RYR2: variants seen among roughly 807,000 people sequenced by gnomAD.
The protein encoded by RYR2 is ryanodine receptor 2.
Under a neutral mutation model 601.1 loss-of-function variants are expected in RYR2, and 227 were observed. The ratio of observed to expected loss-of-function variants is 0.38; its 90% CI spans 0.34 to 0.42. The LOEUF is 0.42. RYR2 is among the 10% of genes least tolerant of loss of function. RYR2 has a pLI of 1.00. For synonymous variants in RYR2, 2,223 were observed against 2,175.1 expected, an observed-to-expected ratio of 1.02 and a Z score of -0.61; for missense variants, 4,646 against 6,156.5, an observed-to-expected ratio of 0.75 and a Z score of 8.21.
At chr1:237,504,403 C>G (rs898018774) in intron 22 of RYR2, among the ~76,000 whole-genome samples, 3 of 152,088 alleles carry the variant, frequency 2.0e-5, no homozygotes, top group African/African-American at 7.2e-5. Context: ...AAAGAACCTT[C>G]TTAAGGGTGG....
intron 35 of RYR2, among the ~76,000 whole-genome samples, chr1:237,602,342 AG>A (rs1676596187): frequency 6.6e-6 from 1 of 151,700 alleles, no homozygotes; most frequent in Non-Finnish European, 1.5e-5. Context: ...AAAGGCCTAT[AG>A]AAAAAAAAAT....
intron 80 of RYR2, among the ~76,000 whole-genome samples, chr1:237,750,658 G>A (rs1474259): frequency 0.66 from 97,719 of 148,960 alleles, 31,872 homozygotes; most frequent in East Asian, 0.93. Context: ...ACAAATTTCT[G>A]AAGTAAAATT....
chr1:237,337,998 T>C (rs1697414002), intron 3 of RYR2, among the ~76,000 whole-genome samples: 1 of 152,176 alleles, frequency 6.6e-6, no homozygotes, highest in Non-Finnish European at 1.5e-5. Context: ...GGGAAAAATC[T>C]GTTTCCTTGC....
At chr1:237,448,611 T>G (rs1308770571) in intron 14 of RYR2, among the ~76,000 whole-genome samples, 1 of 152,116 alleles carries the variant, frequency 6.6e-6, no homozygotes, top group Non-Finnish European at 1.5e-5. Flanking sequence ...TGTGGATATC[T>G]CTGTTTCTCC....
At chr1:237,316,030 CA>C (rs1480663338) in intron 2 of RYR2, among the ~76,000 whole-genome samples, 2 of 151,574 alleles carry the variant, frequency 1.3e-5, no homozygotes, top group African/African-American at 4.8e-5. Flanking sequence ...GAGATGGGGG[CA>C]GGGGGATCAG....
intron 38 of RYR2, among the ~76,000 whole-genome samples, chr1:237,621,200 T>C (rs1419176102): frequency 6.6e-6 from 1 of 152,216 alleles, no homozygotes; most frequent in Non-Finnish European, 1.5e-5. Flanking sequence ...AATTTAAAGA[T>C]TCATTAAACT....
intron 15 of RYR2, among the ~76,000 whole-genome samples, chr1:237,455,687 C>A (rs1419334640): frequency 1.3e-5 from 2 of 152,134 alleles, no homozygotes; most frequent in Non-Finnish European, 1.5e-5. Context: ...TCATCAGAAA[C>A]GCTTGAAACT....
Position 237,148,533 on chromosome 1 carries a change from T to TATATATATATATACACAC in RYR2, c.48+105977_48+105978insCACACATATATATATATA, listed in dbSNP as rs1558320030. ...CTTCAAGTAAAAAAAAAAAAATATA[T>TATATATATATATACACAC]ATATATATATATATATATATACACA... On this transcript the variant is annotated intron_variant, in intron 1 of 104. Coordinates refer to ENST00000366574, the MANE Select transcript of RYR2 (RefSeq NM_001035.3). Among the ~76,000 whole-genome samples, 421 of 116,704 alleles carry TATATATATATATACACAC rather than the reference T, an allele frequency of 3.6e-3. 2 individuals carry two copies. The highest frequency in any genetic ancestry group is 0.016 in the African/African-American group (397 of 24,986). 76.6% of individuals were successfully genotyped at this position (116,704 alleles called of 152,430 possible). A position where few individuals can be genotyped will look rare whatever the true frequency, so the allele number is the denominator to read the frequency against.
chr1:237,798,776 T>TCACACA (rs72164792), intron 97 of RYR2, among the ~76,000 whole-genome samples: 3 of 135,210 alleles, frequency 2.2e-5, no homozygotes, highest in Non-Finnish European at 4.9e-5. Context: ...AATTTAAATG[T>TCACACA]CACACACACA....
chr1:237,602,800 T>C (rs1347924344), intron 35 of RYR2, among the ~76,000 whole-genome samples: 1 of 152,114 alleles, frequency 6.6e-6, no homozygotes, highest in East Asian at 1.9e-4. Flanking sequence ...GGAAATCCAT[T>C]GGAAATTTGA....
intron 58 of RYR2, among the ~76,000 whole-genome samples, chr1:237,673,817 T>C (rs914483803): frequency 1.3e-5 from 2 of 152,204 alleles, no homozygotes; most frequent in Admixed American, 1.3e-4. Context: ...TGCTTCCCTC[T>C]CATTGGCGAG....
At chr1:237,576,256 G>A (rs10157579) in intron 29 of RYR2, among the ~76,000 whole-genome samples, 43,766 of 151,870 alleles carry the variant, frequency 0.29, 6,739 homozygotes, top group East Asian at 0.6. Flanking sequence ...GGAAGTCGAT[G>A]TGATGACTCT....
In RYR2 at chr1:237,492,935, A is replaced by G; in HGVS notation, c.1828-19A>G. 6.4e-7 allele frequency: 1 copy of G among 1,555,378 alleles called. No homozygotes were observed. Among genetic ancestry groups the G allele is most frequent in the Non-Finnish European group, 8.7e-7 (1 of 1,148,146 alleles). ...CAGGGAGGGAGGGAGGATCAGCTGA[A>G]AGTAATTTCTCTTTTCAGGTTCTGG... On this transcript the variant is annotated intron_variant, in intron 18 of 104. Coordinates refer to ENST00000366574, the MANE Select transcript of RYR2 (RefSeq NM_001035.3).
Position 237,784,656 on chromosome 1 carries a change from G to A in RYR2, c.12944G>A (p.Gly4315Glu), listed in dbSNP as rs766109950. 3.9e-5 allele frequency: 63 copies of A among 1,613,138 alleles called. No individual in the cohort carries two copies. Among genetic ancestry groups the A allele is most frequent in the Non-Finnish European group, 5.3e-5 (63 of 1,179,546 alleles). The change falls in exon 90 of 105, where the codon GGG becomes GAG. Residue 4315 changes from glycine to glutamate, a missense_variant. Gly to Glu is a moderately conservative substitution (Grantham distance 98). Coordinates refer to ENST00000366574, the MANE Select transcript of RYR2 (RefSeq NM_001035.3). The surrounding 1 kb of genome is among the most constrained non-coding windows in gnomAD (Gnocchi z 7.1). ...FFRIICSLLLGGSLVEGAKKI... is the reference protein window; with the variant it reads ...FFRIICSLLLEGSLVEGAKKI... The stretch of plus-strand genomic sequence containing the variant: ...CGCATCATTTGCAGCCTGCTGCTTG[G>A]GGGAAGCCTCGTCGAAGGTGCTAAA...
intron 2 of RYR2, among the ~76,000 whole-genome samples, chr1:237,284,882 T>A (rs1385737430): frequency 6.6e-6 from 1 of 152,116 alleles, no homozygotes; most frequent in Admixed American, 6.6e-5. Context: ...TGATCTTGTA[T>A]CCAGAAACTT....
At chr1:237,200,925 T>C (rs541361534) in intron 1 of RYR2, among the ~76,000 whole-genome samples, 2 of 152,354 alleles carry the variant, frequency 1.3e-5, no homozygotes, top group African/African-American at 4.8e-5. Context: ...TCCAGTATAG[T>C]GATGGAGCTG....
chr1:237,098,379 TTGTGTGTATG>T lies in RYR2; in HGVS notation c.48+55818_48+55827del, dbSNP rs1167963195. Among the ~76,000 whole-genome samples, 421 of 58,786 alleles carry T rather than the reference TTGTGTGTATG, an allele frequency of 7.2e-3. 1 individual carries two copies. Among genetic ancestry groups the T allele is most frequent in the Non-Finnish European group, 0.014 (279 of 19,280 alleles). The allele number at this position is 58,786 out of a possible 152,430, so 38.6% of individuals were successfully genotyped here. On this transcript the variant is annotated intron_variant, in intron 1 of 104. Coordinates refer to ENST00000366574, the MANE Select transcript of RYR2 (RefSeq NM_001035.3). ...TATCCATCACCTCACATAGTTGCCA[TTGTGTGTATG>T]TGTGTGTGTGTGTGTGTGTGTGTGT...
At chr1:237,150,435 A>G (rs932158876) in intron 1 of RYR2, among the ~76,000 whole-genome samples, 2 of 152,198 alleles carry the variant, frequency 1.3e-5, no homozygotes, top group African/African-American at 4.8e-5. Flanking sequence ...TAGGGCTGGG[A>G]TGGAATCTTT....
At chr1:237,377,742 TAAA>T (rs1444417067) in intron 8 of RYR2, among the ~76,000 whole-genome samples, 1 of 152,196 alleles carries the variant, frequency 6.6e-6, no homozygotes, top group Non-Finnish European at 1.5e-5. Flanking sequence ...AATCAGGAAT[TAAA>T]AATTCTATGG....
Sources: gnomAD v4.1 joint callset for allele counts (sites outside exome capture counted in the v4.1 genomes callset) on GRCh38, gnomAD v4.1.1 for gene constraint, Gnocchi (gnomAD v3.1) non-coding constraint, MANE v1.5 for transcripts, NCBI Gene and HGNC (gene_info 2026-07-23, HGNC 2026-07-21) for gene names.